The following PTPRF variants were observed in gnomAD, a reference collection of about 807,000 sequenced individuals.
The protein encoded by PTPRF is receptor-type tyrosine-protein phosphatase F.
A neutral mutation model predicts 201.8 loss-of-function variants in PTPRF; 59 were observed. That is an observed-to-expected ratio of 0.29 (90% CI 0.24 to 0.36). PTPRF has a LOEUF of 0.36. PTPRF is among the 10% of genes least tolerant of loss of function. PTPRF has a pLI of 1.00. For missense variants in PTPRF, 2,132 were observed against 2,690.5 expected (o/e 0.79, Z 4.59); for synonymous variants, 1,088 against 1,089.7 (o/e 1.00, Z 0.03).
rs993036102 is a variant in PTPRF, at chr1:43,609,443, G to A, written c.3918G>A (p.Leu1306=). Residue 1306 remains leucine, a synonymous_variant, in exon 22 of 34, where the codon TTG becomes TTA. Transcript: ENST00000359947. ...DEQSIGLKDS[L]LAHSSDPVEM... ...AGTCGATCGGACTGAAGGACTCCTT[G>A]CTGGCCCACTCCTCTGACCCTGTGG... The A allele has an allele frequency of 6.2e-7, 1 of 1,613,960 alleles. No homozygotes were observed. Among genetic ancestry groups the A allele is most frequent in the African/African-American group, 1.3e-5 (1 of 74,918 alleles).
chr1:43,577,968 C>T (rs892582962), intron 6 of PTPRF, among the ~76,000 whole-genome samples: 3 of 152,156 alleles, frequency 2.0e-5, no homozygotes, highest in Non-Finnish European at 4.4e-5. Flanking sequence ...AGTGGATCCA[C>T]CCCCACCTTG....
chr1:43,556,377 T>C (rs1042825849), intron 5 of PTPRF, among the ~76,000 whole-genome samples: 3 of 152,164 alleles, frequency 2.0e-5, no homozygotes, highest in Non-Finnish European at 2.9e-5. Flanking sequence ...TTGTCCTGCC[T>C]CAGCCTCCCA....
Position 43,591,366 on chromosome 1 carries a change from C to T in PTPRF, c.1344C>T (p.Arg448=), listed in dbSNP as rs1021201686. ...EEPNGLVRGY[R]VYYTPDSRRP... is the part of the protein sequence containing the mutation. ...CCAACGGCCTGGTGCGGGGATACCG[C>T]GTCTACTATACTCCGGACTCCCGCC... Residue 448 remains arginine, a synonymous_variant, in exon 9 of 34, where the codon CGC becomes CGT. Coordinates refer to ENST00000359947, the MANE Select transcript of PTPRF (RefSeq NM_002840.5). The T allele has an allele frequency of 6.4e-7, 1 of 1,555,056 alleles. No individual in the cohort carries two copies. The highest frequency in any genetic ancestry group is 8.7e-7 in the Non-Finnish European group (1 of 1,150,704).
At chr1:43,524,050 C>CAAAAA (rs57088994), upstream of PTPRF, among the ~76,000 whole-genome samples, 3 of 80,658 alleles carry the variant, frequency 3.7e-5, no homozygotes, top group African/African-American at 5.1e-5. Context: ...GAGACTCTGT[C>CAAAAA]AAAAAAAAAA....
intron 8 of PTPRF, among the ~76,000 whole-genome samples, chr1:43,590,577 C>G (rs1429865820): frequency 1.3e-5 from 2 of 152,238 alleles, no homozygotes. Context: ...ATACTTTCCA[C>G]CAGGTGGGCT....
intron 22 of PTPRF, 124 bp downstream of exon 22, chr1:43,609,622 C>T (rs1204588803): frequency 4.4e-6 from 3 of 679,444 alleles, no homozygotes; most frequent in African/African-American, 3.6e-5. Flanking sequence ...TGCTCCTTTT[C>T]TTCCTTTCTG....
chr1:43,527,373 G>A (rs535468495), upstream of PTPRF, among the ~76,000 whole-genome samples: 8 of 152,348 alleles, frequency 5.3e-5, no homozygotes, highest in South Asian at 1.0e-3. Flanking sequence ...CAGCTATCAC[G>A]CTCTCCCAGG....
chr1:43,589,201 A>T (rs1016707059), intron 8 of PTPRF, among the ~76,000 whole-genome samples: 2 of 151,754 alleles, frequency 1.3e-5, no homozygotes, highest in African/African-American at 4.8e-5. Flanking sequence ...GATAATAGTT[A>T]AGGCATATTG....
At chr1:43,522,271 A>G (rs1642976574), upstream of PTPRF, among the ~76,000 whole-genome samples, 1 of 152,226 alleles carries the variant, frequency 6.6e-6, no homozygotes, top group South Asian at 2.1e-4. Context: ...AAAGAGCTCC[A>G]GGTGCCATAG....
intron 21 of PTPRF, among the ~76,000 whole-genome samples, 193 bp from the exon 22 acceptor site, chr1:43,609,189 CT>C: frequency 6.6e-6 from 1 of 152,318 alleles, no homozygotes; most frequent in Middle Eastern, 3.4e-3. Flanking sequence ...TCCCTACCCC[CT>C]CCCTGCCCTG....
rs745409381 is a variant in PTPRF, at chr1:43,618,658, G to A, written c.4400G>A (p.Arg1467His). ...RVKCDQYWPARGTETCGLIQV... is the reference protein window; with the variant it reads ...RVKCDQYWPAHGTETCGLIQV... ...AAATGTGATCAGTACTGGCCAGCCC[G>A]TGGCACCGAGACCTGTGGCCTTATT... is the stretch of plus-strand genomic sequence containing the variant. The change falls in exon 26 of 34, where the codon CGT becomes CAT. Residue 1467 changes from arginine to histidine, a missense_variant. Arg to His is a conservative substitution (Grantham distance 29). Around this residue, in one of 6 missense-constraint regions of PTPRF, gnomAD observed 519 missense variants for 659.5 expected, o/e 0.79. Transcript: ENST00000359947. 15 of 1,612,148 alleles carry A rather than the reference G, an allele frequency of 9.3e-6. No homozygotes were observed. The highest frequency in any genetic ancestry group is 4.5e-5 in the East Asian group (2 of 44,814).
intron 25 of PTPRF, 68 bp from the exon 26 acceptor site, chr1:43,618,562 C>T: frequency 2.6e-6 from 4 of 1,551,584 alleles, no homozygotes; most frequent in Non-Finnish European, 3.5e-6. Context: ...GTTGACCAGC[C>T]TCCACCCTGC....
At chr1:43,532,645 G>A in intron 1 of PTPRF, 1 of 163,674 alleles carries the variant, frequency 6.1e-6, no homozygotes. Flanking sequence ...GGATCCAGAA[G>A]AGAGTTCTGA....
intron 23 of PTPRF, among the ~76,000 whole-genome samples, chr1:43,614,168 T>C (rs571983407): frequency 6.6e-6 from 1 of 152,326 alleles, no homozygotes; most frequent in South Asian, 2.1e-4. Flanking sequence ...GGGACTGTTA[T>C]TATCCCATCT....
intron 23 of PTPRF, among the ~76,000 whole-genome samples, chr1:43,617,129 C>T (rs895738448): frequency 2.0e-5 from 3 of 151,992 alleles, no homozygotes; most frequent in Admixed American, 2.0e-4. Context: ...GGGGCCACCA[C>T]CTGTCCTAGC....
intron 6 of PTPRF, among the ~76,000 whole-genome samples, chr1:43,578,036 T>G (rs564222045): frequency 3.0e-3 from 456 of 152,320 alleles, no homozygotes; most frequent in Non-Finnish European, 5.1e-3. Context: ...AAGCCCAAGA[T>G]TCCTCCACCC....
At chr1:43,616,577 G>A (rs1339462342) in intron 23 of PTPRF, among the ~76,000 whole-genome samples, 1 of 151,998 alleles carries the variant, frequency 6.6e-6, no homozygotes, top group Non-Finnish European at 1.5e-5. Flanking sequence ...GCAGGGCGGG[G>A]TTGGTGGAGG....
At chr1:43,523,530 G>C (rs2153942247), upstream of PTPRF, among the ~76,000 whole-genome samples, 1 of 152,236 alleles carries the variant, frequency 6.6e-6, no homozygotes, top group South Asian at 2.1e-4. Flanking sequence ...TGGTGTCAAG[G>C]GAGCCAAAGA....
chr1:43,573,748 G>T (rs745663468), intron 6 of PTPRF, among the ~76,000 whole-genome samples: 2 of 152,196 alleles, frequency 1.3e-5, no homozygotes, highest in Admixed American at 6.5e-5. Context: ...GGAAAAGTCA[G>T]ATTCTCTGTT....
Sources: gnomAD v4.1 joint callset for allele counts (sites outside exome capture counted in the v4.1 genomes callset) on GRCh38, gnomAD v4.1.1 for gene constraint, gnomAD v4.1.1 regional missense constraint, MANE v1.5 for transcripts, NCBI Gene and HGNC (gene_info 2026-07-23, HGNC 2026-07-21) for gene names.